Variants in SCHIP1 observed in about 807,000 individuals in gnomAD.
SCHIP1 encodes schwannomin-interacting protein 1.
A neutral mutation model predicts 29.7 loss-of-function variants in SCHIP1; 8 were observed. The ratio of observed to expected loss-of-function variants is 0.27; its 90% CI spans 0.16 to 0.49. The LOEUF is 0.49. Among genes scored for constraint, SCHIP1 ranks in the 20% least tolerant of loss-of-function variants. SCHIP1 has a pLI of 0.99. For synonymous variants in SCHIP1, 76 were observed against 94.9 expected, an observed-to-expected ratio of 0.80 and a Z score of 1.16; for missense variants, 193 against 294.6, an observed-to-expected ratio of 0.66 and a Z score of 2.52.
At chr3:159,821,730 A>G in the SCHIP1 span, among the ~76,000 whole-genome samples, 1 of 152,024 alleles carries the variant, frequency 6.6e-6, no homozygotes, top group Non-Finnish European at 1.5e-5. Context: ...TTCTTTCCTT[A>G]TTAAGTCAAG....
chr3:159,524,770 C>T, the SCHIP1 span, among the ~76,000 whole-genome samples: 2 of 152,198 alleles, frequency 1.3e-5, no homozygotes, highest in Admixed American at 6.5e-5. Context: ...AGTGAAGAGA[C>T]GTGCAGAATC....
the SCHIP1 span, among the ~76,000 whole-genome samples, chr3:159,701,386 A>G: frequency 1.6e-4 from 24 of 152,222 alleles, 1 homozygote; most frequent in African/African-American, 5.8e-4. Flanking sequence ...CCTACTATCA[A>G]CAGTATATCC....
chr3:159,447,944 C>T, the SCHIP1 span, among the ~76,000 whole-genome samples: 1 of 152,150 alleles, frequency 6.6e-6, no homozygotes, highest in Non-Finnish European at 1.5e-5. Flanking sequence ...TGCAGAGTCT[C>T]ATAGTGTGCT....
chr3:159,822,536 G>A, the SCHIP1 span, among the ~76,000 whole-genome samples: 10 of 151,582 alleles, frequency 6.6e-5, no homozygotes, highest in Non-Finnish European at 1.5e-4. Context: ...GTATAATTGA[G>A]ATGGAATGGA....
At chr3:159,841,095 A>G (rs754416586) in intron 1 of SCHIP1, among the ~76,000 whole-genome samples, 13 of 152,242 alleles carry the variant, frequency 8.5e-5, no homozygotes, top group Non-Finnish European at 1.5e-4. Flanking sequence ...TGAGAGACCA[A>G]TTCTCTAACT....
At chr3:159,688,491 A>T in the SCHIP1 span, among the ~76,000 whole-genome samples, 1 of 151,940 alleles carries the variant, frequency 6.6e-6, no homozygotes, top group African/African-American at 2.4e-5. Flanking sequence ...TAGATTCTGG[A>T]TATTAGCCCT....
chr3:159,814,580 T>C, the SCHIP1 span, among the ~76,000 whole-genome samples: 1 of 152,220 alleles, frequency 6.6e-6, no homozygotes, highest in South Asian at 2.1e-4. Context: ...TCAGCCCTGA[T>C]GGGGAGCCCC....
At chr3:159,296,030 G>A in the SCHIP1 span, among the ~76,000 whole-genome samples, 1 of 152,054 alleles carries the variant, frequency 6.6e-6, no homozygotes, top group Non-Finnish European at 1.5e-5. Context: ...TGCACAGTTA[G>A]GTTTCATTGC....
chr3:159,287,767 C>CATGGA, the SCHIP1 span, among the ~76,000 whole-genome samples: 1 of 152,144 alleles, frequency 6.6e-6, no homozygotes, highest in Non-Finnish European at 1.5e-5. Context: ...TTTCTGACTA[C>CATGGA]ATGGAGAGTG....
chr3:159,532,797 C>T, the SCHIP1 span, among the ~76,000 whole-genome samples: 1 of 152,114 alleles, frequency 6.6e-6, no homozygotes. Flanking sequence ...ATCACTAGAA[C>T]TGATGGGAGG....
At chr3:159,800,319 C>T in the SCHIP1 span, among the ~76,000 whole-genome samples, 4 of 152,136 alleles carry the variant, frequency 2.6e-5, no homozygotes, top group African/African-American at 7.2e-5. Flanking sequence ...CTCTCCAATG[C>T]GCAGAGATCT....
At chr3:159,623,219 G>GA in the SCHIP1 span, among the ~76,000 whole-genome samples, 2 of 152,020 alleles carry the variant, frequency 1.3e-5, no homozygotes, top group African/African-American at 4.8e-5. Flanking sequence ...TATAATTGTG[G>GA]AAAAAATAAA....
the SCHIP1 span, among the ~76,000 whole-genome samples, chr3:159,467,477 C>T: frequency 1.3e-5 from 2 of 151,202 alleles, no homozygotes; most frequent in African/African-American, 4.9e-5. Flanking sequence ...AAAATCACCA[C>T]ATTTTAATCT....
the SCHIP1 span, among the ~76,000 whole-genome samples, chr3:159,303,770 G>A: frequency 6.6e-6 from 1 of 152,054 alleles, no homozygotes; most frequent in Non-Finnish European, 1.5e-5. Context: ...AAATAACATA[G>A]CCATATTATA....
At chr3:159,387,931 G>A in the SCHIP1 span, among the ~76,000 whole-genome samples, 1 of 152,182 alleles carries the variant, frequency 6.6e-6, no homozygotes, top group Admixed American at 6.6e-5. Context: ...TATCTCAATA[G>A]TTGCCATTTT....
upstream of SCHIP1, among the ~76,000 whole-genome samples, chr3:159,835,906 T>C (rs1021509105): frequency 6.6e-6 from 1 of 151,860 alleles, no homozygotes; most frequent in Non-Finnish European, 1.5e-5. Context: ...TGAAAAAAAA[T>C]GCTTTTCTGG....
At chr3:159,644,448 G>C in the SCHIP1 span, among the ~76,000 whole-genome samples, 1 of 151,912 alleles carries the variant, frequency 6.6e-6, no homozygotes, top group Non-Finnish European at 1.5e-5. Flanking sequence ...CCCTGTCCAG[G>C]TTATCTGTAA....
chr3:159,775,450 G>T, the SCHIP1 span, among the ~76,000 whole-genome samples: 1 of 152,180 alleles, frequency 6.6e-6, no homozygotes, highest in African/African-American at 2.4e-5. Context: ...AGCTGATTGG[G>T]TCATGCTGTT....
chr3:159,560,235 C>T, the SCHIP1 span, among the ~76,000 whole-genome samples: 5 of 152,158 alleles, frequency 3.3e-5, no homozygotes, highest in Non-Finnish European at 7.4e-5. Context: ...ATAACTACAT[C>T]TTGCCACTCC....
Sources: allele counts gnomAD v4.1 joint callset (sites outside exome capture counted in the v4.1 genomes callset), GRCh38; gene constraint gnomAD v4.1.1; transcripts MANE v1.5; gene names NCBI Gene and HGNC (gene_info 2026-07-23, HGNC 2026-07-21).